The following SMG5 variants were observed in gnomAD, a reference collection of about 807,000 sequenced individuals.
SMG5 encodes the protein nonsense-mediated mRNA decay factor SMG5.
SMG5 carries 53 observed loss-of-function variants against 122.9 expected under a neutral mutation model. The observed-to-expected ratio is 0.43, with a 90% CI of 0.35 to 0.54. The LOEUF (loss-of-function observed/expected upper bound fraction) is 0.54. Ranked by LOEUF, SMG5 falls within the 20% of genes least tolerant of loss-of-function variation. SMG5 has a pLI of 0.01. For missense variants in SMG5, 1,153 were observed against 1,285.6 expected (o/e 0.90, Z 1.58); for synonymous variants, 477 against 490.2 (o/e 0.97, Z 0.35).
intron 3 of SMG5, among the ~76,000 whole-genome samples, chr1:156,277,511 C>CT (rs550751703): frequency 0.02 from 2,716 of 133,048 alleles, 70 homozygotes; most frequent in African/African-American, 0.025. Flanking sequence ...TTTCTGCTGT[C>CT]TTTTTTTTTT....
In SMG5 at chr1:156,250,209, G is replaced by A. The variant is rs952991944; in HGVS notation, c.*378C>T. 4 of 349,468 alleles carry A rather than the reference G, an allele frequency of 1.1e-5. No individual in the cohort carries two copies. Among genetic ancestry groups the A allele is most frequent in the South Asian group, 2.3e-5 (1 of 42,942 alleles). 21.6% of individuals were successfully genotyped at this position (349,468 alleles called of 1,614,324 possible). ...CTGGCCCCAACCACCCTGCATCTTGGGTGAGGAAGAAGGGCCTCTTTTGCT... is the reference window on the plus strand; with the variant it reads ...CTGGCCCCAACCACCCTGCATCTTGAGTGAGGAAGAAGGGCCTCTTTTGCT... On this transcript the variant is annotated 3_prime_UTR_variant, in exon 22 of 22. Transcript: ENST00000361813.
In SMG5 at chr1:156,268,275, A is replaced by C; in HGVS notation, c.839+15T>G. 1 of 1,614,130 alleles carries C rather than the reference A, an allele frequency of 6.2e-7. No homozygotes were observed. The highest frequency in any genetic ancestry group is 1.1e-5 in the South Asian group (1 of 91,076). ...ACTGCAGAAAAAACCCGTCCTCCTC[A>C]CAGGCCCCACTCACCGCTTTTTGCC... is the stretch of plus-strand genomic sequence containing the variant. On this transcript the variant is annotated intron_variant, in intron 8 of 21. Coordinates refer to ENST00000361813, the MANE Select transcript of SMG5 (RefSeq NM_015327.3).
chr1:156,265,074 A>ACACACACACAC (rs1558237998), intron 12 of SMG5, among the ~76,000 whole-genome samples: 24 of 71,030 alleles, frequency 3.4e-4, no homozygotes, highest in African/African-American at 1.3e-3. Flanking sequence ...CACACACACA[A>ACACACACACAC]AAGCCGGGCA....
At chr1:156,290,075 G>T in the SMG5 span, 1 of 152,070 alleles carries the variant, frequency 6.6e-6, no homozygotes, top group Admixed American at 6.6e-5. Context: ...AAATACAATG[G>T]AACACACTGC....
In SMG5 at chr1:156,268,432, TGA is replaced by T. The variant is rs1662257879; in HGVS notation, c.714-19_714-18del. On this transcript the variant is annotated intron_variant, in intron 7 of 21. Coordinates refer to ENST00000361813, the MANE Select transcript of SMG5 (RefSeq NM_015327.3). ...GACTGGATGCTGTAAGAGATAGAGG[TGA>T]GCTACTGAGTCTTGGCAGGGGGAGG... 5.0e-6 allele frequency: 8 copies of T among 1,611,452 alleles called. No homozygotes were observed. Among genetic ancestry groups the T allele is most frequent in the Non-Finnish European group, 5.9e-6 (7 of 1,178,722 alleles).
rs1344776569 is a variant in SMG5 at position 156,266,686 on chromosome 1, C to A, written c.1118-8G>T. 1 of 1,614,022 alleles carries A rather than the reference C, an allele frequency of 6.2e-7. No homozygotes were observed. The highest frequency in any genetic ancestry group is 8.5e-7 in the Non-Finnish European group (1 of 1,179,982). On this transcript the variant is annotated splice_polypyrimidine_tract_variant and splice_region_variant and intron_variant, in intron 10 of 21. Coordinates refer to ENST00000361813, the MANE Select transcript of SMG5 (RefSeq NM_015327.3). ...CACTGTACTGCTTGGATCCTGAAGTCAGGAAAGCCAGGCATTAGGGGCCTA... is the reference window on the plus strand; with the variant it reads ...CACTGTACTGCTTGGATCCTGAAGTAAGGAAAGCCAGGCATTAGGGGCCTA...
At position 156,266,053 on chromosome 1, in the gene SMG5, A is replaced by G. The variant is rs1159979287; in HGVS notation, c.1583T>C (p.Met528Thr). The G allele has an allele frequency of 1.9e-5, 30 of 1,613,910 alleles. No individual in the cohort carries two copies. The highest frequency in any genetic ancestry group is 2.2e-5 in the East Asian group (1 of 44,882). The change falls in exon 12 of 22, where the codon ATG becomes ACG. Residue 528 changes from methionine (M) to threonine (T), a missense_variant. Physicochemically the swap from Met to Thr is moderately conservative, Grantham distance 81 (BLOSUM62 -1). Coordinates refer to ENST00000361813, the MANE Select transcript of SMG5 (RefSeq NM_015327.3). The stretch of plus-strand genomic sequence containing the variant: ...TGACCGTGTCCCCTCCTCTTCCTCC[A>G]TATCTTCCAAGTCTGATCGGGACTC... Reference protein sequence around the residue: ...SQESRSDLEDMEEEEGTRSPT... With the variant: ...SQESRSDLEDTEEEEGTRSPT...
chr1:156,278,840 G>A (rs1662803673), intron 2 of SMG5, 96 bp downstream of exon 2: 39 of 999,116 alleles, frequency 3.9e-5, no homozygotes. Flanking sequence ...GAGGTCAGGA[G>A]GTAAAACAGA....
chr1:156,271,575 T>TTC (rs1469460990), intron 7 of SMG5, among the ~76,000 whole-genome samples: 1 of 142,644 alleles, frequency 7.0e-6, no homozygotes, highest in African/African-American at 2.6e-5. Context: ...GGTTTTTTTT[T>TTC]TTTTTTTTTT....
intron 16 of SMG5, among the ~76,000 whole-genome samples, chr1:156,254,181 C>T (rs1661476620): frequency 2.6e-5 from 4 of 152,202 alleles, no homozygotes; most frequent in Non-Finnish European, 4.4e-5. Flanking sequence ...AAACCCTAGT[C>T]TAAGCCAACA....
intron 20 of SMG5, 130 bp downstream of exon 20, chr1:156,251,273 T>C: frequency 1.8e-6 from 2 of 1,137,606 alleles, no homozygotes; most frequent in Non-Finnish European, 2.6e-6. Flanking sequence ...AGGTGAGGCC[T>C]GCAGGAGGGC....
rs1157359180 is a variant in SMG5, at chr1:156,249,961, CAGG to C, written c.*623_*625del. 10 of 470,678 alleles carry C rather than the reference CAGG, an allele frequency of 2.1e-5. No individual in the cohort carries two copies. Among genetic ancestry groups the C allele is most frequent in the Admixed American group, 7.0e-5 (3 of 42,556 alleles). 29.2% of individuals were successfully genotyped at this position (470,678 alleles called of 1,614,324 possible). ...GCAATGGGATGTGCAGCCCCTGCAG[CAGG>C]AGGAGGAGCACACGAACCCTGACCC... On this transcript the variant is annotated 3_prime_UTR_variant, in exon 22 of 22. Coordinates refer to ENST00000361813, the MANE Select transcript of SMG5 (RefSeq NM_015327.3).
At chr1:156,274,736 G>A (rs375149346) in intron 4 of SMG5, 50 bp from the exon 5 acceptor site, 5 of 1,488,988 alleles carry the variant, frequency 3.4e-6, no homozygotes, top group Admixed American at 3.4e-5. Context: ...CTGCCTTCCC[G>A]CACCTATGAA....
At chr1:156,267,964 AAC>A in intron 9 of SMG5, 149 bp downstream of exon 9, 1 of 849,494 alleles carries the variant, frequency 1.2e-6, no homozygotes, top group Middle Eastern at 2.9e-4. Context: ...CCTTGGGAGA[AAC>A]AGTGAGGAAT....
At chr1:156,273,002 A>G (rs546586362) in intron 6 of SMG5, among the ~76,000 whole-genome samples, 1 of 152,238 alleles carries the variant, frequency 6.6e-6, no homozygotes, top group African/African-American at 2.4e-5. Context: ...CCTCTCCTCT[A>G]TCTCAGCACT....
Position 156,266,574 on chromosome 1 carries a change from TCTCGCCCTCTTCCAG to T in SMG5, c.1207_1221del (p.Leu403_Glu407del), listed in dbSNP as rs1662157348. 1 of 1,614,148 alleles carries T rather than the reference TCTCGCCCTCTTCCAG, an allele frequency of 6.2e-7. No individual in the cohort carries two copies. The highest frequency in any genetic ancestry group is 8.5e-7 in the Non-Finnish European group (1 of 1,180,038). On this transcript the variant is annotated inframe_deletion, in exon 11 of 22. Coordinates refer to ENST00000361813, the MANE Select transcript of SMG5 (RefSeq NM_015327.3). ...TCACTCTGGAATGCCGGGACGGGAT[TCTCGCCCTCTTCCAG>T]CTCAGCCTGCAGCCGTATGTTGACA...
At chr1:156,278,802 G>A in intron 2 of SMG5, 134 bp downstream of exon 2, 1 of 709,834 alleles carries the variant, frequency 1.4e-6, no homozygotes, top group Non-Finnish European at 2.5e-6. Flanking sequence ...AGGAAGGCCA[G>A]AGATTTCAGA....
At position 156,277,501 on chromosome 1, in the gene SMG5, T is replaced by C. The variant is rs536057852; in HGVS notation, c.298-260A>G. On this transcript the variant is annotated intron_variant, in intron 3 of 21. Coordinates refer to ENST00000361813, the MANE Select transcript of SMG5 (RefSeq NM_015327.3). ...TACATCTGACTCTCTTCCTCCTTCC[T>C]TTCTGCTGTCTTTTTTTTTTTTTTT... Among the ~76,000 whole-genome samples the C allele has an allele frequency of 4.0e-5, 6 of 151,650 alleles. No homozygotes were observed. The East Asian group carries it at 1.2e-3, about 29-fold the overall frequency.
chr1:156,285,228 T>A (rs1258497237), upstream of SMG5: 4 of 1,527,860 alleles, frequency 2.6e-6, no homozygotes, highest in Admixed American at 2.2e-5. Flanking sequence ...GGCCCCAGGA[T>A]GACAGAACAG....
Sources: gnomAD v4.1 joint callset for allele counts (sites outside exome capture counted in the v4.1 genomes callset) on GRCh38, gnomAD v4.1.1 for gene constraint, MANE v1.5 for transcripts, NCBI Gene and HGNC (gene_info 2026-07-23, HGNC 2026-07-21) for gene names.